Variants in KIAA1549L observed in about 807,000 individuals in gnomAD.
KIAA1549L encodes KIAA1549 like, also known as UPF0606 protein KIAA1549L.
In KIAA1549L, 88 loss-of-function variants were observed where a neutral mutation model predicts 160.7. That is an observed-to-expected ratio of 0.55 (90% CI 0.46 to 0.65). The LOEUF (loss-of-function observed/expected upper bound fraction) is 0.65. KIAA1549L is among the 30% of genes least tolerant of loss of function. The probability of loss-of-function intolerance (pLI) is 0.00; values close to 1 mark genes in which losing one functional copy is unlikely to be tolerated. For synonymous variants in KIAA1549L, 950 were observed against 976.7 expected (o/e 0.97, Z 0.51); for missense variants, 2,258 against 2,437.5 (o/e 0.93, Z 1.55).
intron 1 of KIAA1549L, among the ~76,000 whole-genome samples, chr11:33,500,824 C>T (rs953327988): frequency 2.0e-5 from 3 of 152,018 alleles, no homozygotes; most frequent in African/African-American, 7.2e-5. Flanking sequence ...ATGTAGGCAA[C>T]ACCTTTTCAT....
At chr11:33,647,606 A>G (rs1851762246) in intron 17 of KIAA1549L, among the ~76,000 whole-genome samples, 2 of 152,110 alleles carry the variant, frequency 1.3e-5, no homozygotes, top group African/African-American at 4.8e-5. Flanking sequence ...TTAAAAAGAC[A>G]TAGTTTTATA....
intron 10 of KIAA1549L, among the ~76,000 whole-genome samples, chr11:33,580,246 T>C (rs1436844050): frequency 1.3e-5 from 2 of 151,872 alleles, no homozygotes; most frequent in African/African-American, 2.4e-5. Flanking sequence ...CAGGAAGTGG[T>C]TTGCTTTACA....
chr11:33,435,304 A>G (rs1333674901), intron 1 of KIAA1549L, among the ~76,000 whole-genome samples: 3 of 152,226 alleles, frequency 2.0e-5, no homozygotes, highest in Admixed American at 6.5e-5. Context: ...AATTAAGTTC[A>G]GCAAGTTCAA....
chr11:33,391,011 A>C (rs116628793), intron 1 of KIAA1549L, among the ~76,000 whole-genome samples: 1,859 of 152,330 alleles, frequency 0.012, 32 homozygotes, highest in African/African-American at 0.042. Flanking sequence ...TAGGCTTCAC[A>C]GGCCAGTCAA....
chr11:33,407,616 T>G (rs1850693894), intron 1 of KIAA1549L, among the ~76,000 whole-genome samples: 1 of 152,208 alleles, frequency 6.6e-6, no homozygotes. Context: ...CCCAAATTGC[T>G]GGGATTATAG....
intron 1 of KIAA1549L, among the ~76,000 whole-genome samples, chr11:33,509,852 AGGCGAGTT>A (rs1238029210): frequency 4.1e-4 from 62 of 152,266 alleles, no homozygotes; most frequent in African/African-American, 1.4e-3. Context: ...CAGAAACTGA[AGGCGAGTT>A]GAAATGACTC....
intron 13 of KIAA1549L, among the ~76,000 whole-genome samples, chr11:33,605,348 C>G (rs796965204): frequency 2.4e-4 from 36 of 152,202 alleles, no homozygotes; most frequent in African/African-American, 7.2e-4. Context: ...GCTTGTATAG[C>G]AAGTGTCCAG....
At chr11:33,557,181 AT>A (rs1033127263) in intron 6 of KIAA1549L, among the ~76,000 whole-genome samples, 7 of 151,804 alleles carry the variant, frequency 4.6e-5, no homozygotes, top group Non-Finnish European at 8.8e-5. Flanking sequence ...TAGAGACAGG[AT>A]TTTGCCATGT....
chr11:33,553,316 T>A (rs1450028635), intron 6 of KIAA1549L, among the ~76,000 whole-genome samples: 2 of 151,860 alleles, frequency 1.3e-5, no homozygotes, highest in African/African-American at 4.8e-5. Context: ...ATTTTTTTTT[T>A]TTTTTGCAAC....
chr11:33,523,320 G>A (rs943592841), intron 1 of KIAA1549L, among the ~76,000 whole-genome samples: 3 of 152,134 alleles, frequency 2.0e-5, no homozygotes, highest in African/African-American at 7.2e-5. Flanking sequence ...TTTACCACAG[G>A]ACTTTTCAAA....
intron 1 of KIAA1549L, among the ~76,000 whole-genome samples, chr11:33,534,889 C>T (rs987390766): frequency 6.6e-6 from 1 of 152,182 alleles, no homozygotes; most frequent in Non-Finnish European, 1.5e-5. Context: ...TTCCAAAGCT[C>T]CCTGCTTCCT....
intron 9 of KIAA1549L, among the ~76,000 whole-genome samples, chr11:33,572,019 T>C (rs1286077576): frequency 6.6e-6 from 1 of 151,224 alleles, no homozygotes; most frequent in Non-Finnish European, 1.5e-5. Flanking sequence ...ATCTATATAG[T>C]CCCAACATTT....
At chr11:33,640,213 C>A (rs1851548645) in intron 16 of KIAA1549L, among the ~76,000 whole-genome samples, 1 of 152,078 alleles carries the variant, frequency 6.6e-6, no homozygotes, top group Non-Finnish European at 1.5e-5. Context: ...ACCCAAACAG[C>A]TCAGTCTGAG....
intron 11 of KIAA1549L, among the ~76,000 whole-genome samples, chr11:33,584,497 C>T (rs1042354373): frequency 6.6e-6 from 1 of 152,208 alleles, no homozygotes; most frequent in Non-Finnish European, 1.5e-5. Context: ...TGGACTAGGA[C>T]ATGCTGCAGG....
At chr11:33,649,931 A>C (rs1851838091) in intron 17 of KIAA1549L, among the ~76,000 whole-genome samples, 1 of 152,070 alleles carries the variant, frequency 6.6e-6, no homozygotes, top group Non-Finnish European at 1.5e-5. Flanking sequence ...TCTCCAAATC[A>C]ATTTGAATCT....
chr11:33,464,474 ATGTGTGTGTGTGTGTGTG>A (rs3038997), intron 1 of KIAA1549L, among the ~76,000 whole-genome samples: 2 of 140,090 alleles, frequency 1.4e-5, no homozygotes, highest in Non-Finnish European at 3.1e-5. Context: ...CTGTGTGTGC[ATGTGTGTGTGTGTGTGTG>A]TGTGTGTGTG....
intron 1 of KIAA1549L, among the ~76,000 whole-genome samples, chr11:33,490,615 A>C (rs1852635570): frequency 6.6e-6 from 1 of 152,102 alleles, no homozygotes; most frequent in African/African-American, 2.4e-5. Context: ...CTTTACTTCT[A>C]ATTAGCCAGC....
At chr11:33,403,233 A>ATG (rs1590221136) in intron 1 of KIAA1549L, 1 of 144,928 alleles carries the variant, frequency 6.9e-6, no homozygotes, top group East Asian at 2.0e-4. Flanking sequence ...ACACAGACAC[A>ATG]AACACACATA....
intron 1 of KIAA1549L, among the ~76,000 whole-genome samples, chr11:33,535,820 G>T (rs1853881538): frequency 6.6e-6 from 1 of 152,010 alleles, no homozygotes; most frequent in Non-Finnish European, 1.5e-5. Flanking sequence ...TTTTACTTCA[G>T]TGCCTTCCTA....
Sources: allele counts gnomAD v4.1 joint callset (sites outside exome capture counted in the v4.1 genomes callset), GRCh38; gene constraint gnomAD v4.1.1; transcripts MANE v1.5; gene names NCBI Gene and HGNC (gene_info 2026-07-23, HGNC 2026-07-21).